Variants in CCDC3 observed in about 807,000 individuals in gnomAD.
CCDC3 encodes coiled-coil domain-containing protein 3.
A neutral mutation model predicts 21.4 loss-of-function variants in CCDC3; 24 were observed. The ratio of observed to expected loss-of-function variants is 1.12; its 90% CI spans 0.81 to 1.58. The LOEUF (loss-of-function observed/expected upper bound fraction) is 1.58. Among genes scored for constraint, CCDC3 ranks in the 40% most tolerant of loss-of-function variants. The pLI is 0.00. For synonymous variants in CCDC3, 186 were observed against 166.0 expected (o/e 1.12, Z -0.93); for missense variants, 425 against 360.9 (o/e 1.18, Z -1.44).
At chr10:12,915,449 T>C (rs532414045) in intron 2 of CCDC3, among the ~76,000 whole-genome samples, 1 of 152,360 alleles carries the variant, frequency 6.6e-6, no homozygotes, top group Admixed American at 6.5e-5. Context: ...AAAACAATTA[T>C]TTTGAATTCT....
intron 3 of CCDC3, among the ~76,000 whole-genome samples, chr10:13,080,832 A>G (rs557823800): frequency 7.2e-5 from 11 of 152,266 alleles, no homozygotes; most frequent in Admixed American, 5.9e-4. Context: ...AGCCCAGCCC[A>G]AGGCCAGAGG....
chr10:12,982,416 G>A (rs1589029781), intron 2 of CCDC3, among the ~76,000 whole-genome samples: 2 of 151,832 alleles, frequency 1.3e-5, no homozygotes, highest in South Asian at 2.1e-4. Flanking sequence ...CTAGAAATCC[G>A]CTATACGACA....
chr10:13,067,158 G>A (rs570517233), intron 4 of CCDC3, among the ~76,000 whole-genome samples: 18 of 152,314 alleles, frequency 1.2e-4, no homozygotes, highest in Non-Finnish European at 2.1e-4. Flanking sequence ...AGGCACCTGC[G>A]AGATAGACTG....
At chr10:13,016,080 T>C (rs1169568423) in intron 5 of CCDC3, among the ~76,000 whole-genome samples, 1 of 151,988 alleles carries the variant, frequency 6.6e-6, no homozygotes, top group Middle Eastern at 3.2e-3. Flanking sequence ...ACACCTACTA[T>C]GTACCCACAA....
intron 2 of CCDC3, among the ~76,000 whole-genome samples, chr10:12,978,622 G>A (rs1040199338): frequency 2.0e-5 from 3 of 151,986 alleles, no homozygotes; most frequent in Non-Finnish European, 2.9e-5. Context: ...GGGTCTGCAG[G>A]GAGACCCAGA....
At chr10:12,920,616 G>A (rs975655975) in intron 2 of CCDC3, among the ~76,000 whole-genome samples, 1 of 152,116 alleles carries the variant, frequency 6.6e-6, no homozygotes, top group Non-Finnish European at 1.5e-5. Context: ...ACTTTTAATG[G>A]CAAACTTTAA....
At chr10:12,954,393 A>T (rs1214712652) in intron 2 of CCDC3, among the ~76,000 whole-genome samples, 2 of 152,242 alleles carry the variant, frequency 1.3e-5, no homozygotes, top group African/African-American at 2.4e-5. Flanking sequence ...TAGATTATCA[A>T]ATTACGTCTT....
intron 2 of CCDC3, among the ~76,000 whole-genome samples, chr10:12,979,322 G>C (rs1835462372): frequency 6.6e-6 from 1 of 151,996 alleles, no homozygotes; most frequent in East Asian, 1.9e-4. Flanking sequence ...CTCGCTGCCT[G>C]CCCTCCCTTT....
chr10:12,902,531 A>G (rs906446911), intron 2 of CCDC3, among the ~76,000 whole-genome samples: 2 of 152,344 alleles, frequency 1.3e-5, no homozygotes, highest in Admixed American at 6.5e-5. Context: ...AAAAAAGTCC[A>G]AAGTCCATGA....
Position 12,923,643 on chromosome 10 carries a change from G to A in CCDC3, c.550-24964C>T, listed in dbSNP as rs1456079134. On this transcript the variant is annotated intron_variant, in intron 2 of 2. Coordinates refer to ENST00000378825, the MANE Select transcript of CCDC3 (RefSeq NM_031455.4). Reference sequence around the variant, plus strand: ...TGATACCTCGATGGGTTTTCCTTTGGGATATGCGTCCCGGTCATTTCTATC... The same window carrying A: ...TGATACCTCGATGGGTTTTCCTTTGAGATATGCGTCCCGGTCATTTCTATC... 3.3e-5 allele frequency among the ~76,000 whole-genome samples: 5 copies of A among 152,102 alleles called. No individual in the cohort carries two copies. The East Asian group carries it at 5.8e-4, about 18-fold the overall frequency.
chr10:12,987,468 G>T (rs1274366914), intron 2 of CCDC3, among the ~76,000 whole-genome samples: 1 of 152,080 alleles, frequency 6.6e-6, no homozygotes, highest in Non-Finnish European at 1.5e-5. Context: ...TATCATTACA[G>T]TGATATGGAT....
intron 2 of CCDC3, among the ~76,000 whole-genome samples, chr10:12,968,591 A>G (rs938946469): frequency 7.9e-5 from 12 of 152,226 alleles, no homozygotes; most frequent in African/African-American, 2.9e-4. Flanking sequence ...GAACAGTCTA[A>G]TATTATAATG....
chr10:13,091,859 A>AC (rs1832576520), intron 3 of CCDC3, among the ~76,000 whole-genome samples: 1 of 11,770 alleles, frequency 8.5e-5, no homozygotes, highest in Non-Finnish European at 5.8e-3. Flanking sequence ...TTGCTGGCAG[A>AC]TCCTGAAATC....
At chr10:12,976,150 A>G (rs1332877868) in intron 2 of CCDC3, among the ~76,000 whole-genome samples, 1 of 152,132 alleles carries the variant, frequency 6.6e-6, no homozygotes, top group African/African-American at 2.4e-5. Flanking sequence ...GTCTCTAGAG[A>G]CCCGGCCTTG....
chr10:12,968,758 C>T (rs73581746), intron 2 of CCDC3, among the ~76,000 whole-genome samples: 2,982 of 152,188 alleles, frequency 0.02, 114 homozygotes, highest in African/African-American at 0.068. Context: ...TATTATCATG[C>T]AATCAAGGTT....
At chr10:13,039,984 C>G in intron 5 of CCDC3, among the ~76,000 whole-genome samples, 1 of 152,044 alleles carries the variant, frequency 6.6e-6, no homozygotes. Context: ...GGTAAATGGT[C>G]TCTGGCATCC....
At chr10:13,070,488 T>A (rs955471419) in intron 4 of CCDC3, among the ~76,000 whole-genome samples, 1 of 152,168 alleles carries the variant, frequency 6.6e-6, no homozygotes, top group Non-Finnish European at 1.5e-5. Context: ...TAAAGCCCCA[T>A]GGGAGAAACT....
At chr10:12,989,552 G>C (rs898280790) in intron 2 of CCDC3, among the ~76,000 whole-genome samples, 1 of 152,230 alleles carries the variant, frequency 6.6e-6, no homozygotes, top group Non-Finnish European at 1.5e-5. Context: ...CTCCTGAGTA[G>C]CTGGGATTAC....
intron 5 of CCDC3, among the ~76,000 whole-genome samples, chr10:13,010,906 G>A (rs983211152): frequency 1.2e-4 from 18 of 152,196 alleles, no homozygotes; most frequent in African/African-American, 4.3e-4. Flanking sequence ...AAAGGGCCGG[G>A]CACAGCGGCT....
Sources: gnomAD v4.1 joint callset for allele counts (sites outside exome capture counted in the v4.1 genomes callset) on GRCh38, gnomAD v4.1.1 for gene constraint, MANE v1.5 for transcripts, NCBI Gene and HGNC (gene_info 2026-07-23, HGNC 2026-07-21) for gene names.